The following SLC25A48 variants were observed in gnomAD, a reference collection of about 807,000 sequenced individuals.
The protein encoded by SLC25A48 is CTC-321K16.1.
SLC25A48 carries 29 observed loss-of-function variants against 32.2 expected under a neutral mutation model. The ratio of observed to expected loss-of-function variants is 0.90; its 90% confidence interval spans 0.67 to 1.23. The LOEUF (loss-of-function observed/expected upper bound fraction) is 1.23, where lower values mean the gene tolerates loss of function less well. Ranked by LOEUF, SLC25A48 falls within the 50% of genes most tolerant of loss-of-function variation. SLC25A48 has a pLI of 0.00. For missense variants in SLC25A48, 399 were observed against 422.7 expected (o/e 0.94, Z 0.49); for synonymous variants, 164 against 172.3 (o/e 0.95, Z 0.38).
intron 3 of SLC25A48, among the ~76,000 whole-genome samples, chr5:135,660,553 T>G (rs535964880): frequency 1.3e-5 from 2 of 152,318 alleles, no homozygotes; most frequent in East Asian, 3.9e-4. Flanking sequence ...AGAGGCAGTT[T>G]TTTTAGGTTT....
chr5:135,762,704 A>T (rs926577189), intron 3 of SLC25A48, among the ~76,000 whole-genome samples: 5 of 151,998 alleles, frequency 3.3e-5, no homozygotes, highest in African/African-American at 1.2e-4. Context: ...AGTGAGAATG[A>T]GTGTGTGCGT....
intron 3 of SLC25A48, chr5:135,648,502 T>G (rs1234750595): frequency 1.3e-5 from 2 of 152,266 alleles, no homozygotes; most frequent in African/African-American, 2.4e-5. Flanking sequence ...CTCTGATTTT[T>G]CTTTTCATGA....
At chr5:135,840,399 C>G (rs1334212009) in intron 1 of SLC25A48, among the ~76,000 whole-genome samples, 1 of 152,216 alleles carries the variant, frequency 6.6e-6, no homozygotes, top group South Asian at 2.1e-4. Flanking sequence ...TTTACACATA[C>G]CCTACCCCGC....
chr5:135,643,261 A>G (rs1752882841), intron 3 of SLC25A48, among the ~76,000 whole-genome samples: 1 of 152,198 alleles, frequency 6.6e-6, no homozygotes, highest in South Asian at 2.1e-4. Context: ...CTGCAGCCTC[A>G]GTGAGAATGA....
At chr5:135,650,274 C>T in intron 3 of SLC25A48, 1 of 384,722 alleles carries the variant, frequency 2.6e-6, no homozygotes, top group Non-Finnish European at 5.1e-6. Context: ...ACAATTGCTA[C>T]TCAAAGTTTG....
intron 3 of SLC25A48, among the ~76,000 whole-genome samples, chr5:135,679,335 G>A (rs1753840126): frequency 6.6e-6 from 1 of 152,196 alleles, no homozygotes. Context: ...TGGACAGCAT[G>A]TCTGGGCACT....
intron 1 of SLC25A48, 99 bp from the exon 2 acceptor site, chr5:135,842,317 A>T: frequency 7.9e-7 from 1 of 1,259,944 alleles, no homozygotes; most frequent in Non-Finnish European, 1.2e-6. Flanking sequence ...CCAGCAATTG[A>T]CCGTTGACTA....
At chr5:135,833,400 G>T (rs568293616), upstream of SLC25A48, among the ~76,000 whole-genome samples, 1 of 152,346 alleles carries the variant, frequency 6.6e-6, no homozygotes, top group South Asian at 2.1e-4. Context: ...TTTGAGAATT[G>T]TCAGGCTTTC....
intron 5 of SLC25A48, 69 bp from the exon 6 acceptor site, chr5:135,873,952 C>A: frequency 1.4e-6 from 2 of 1,432,206 alleles, no homozygotes; most frequent in Admixed American, 2.8e-5. Flanking sequence ...TGGTAGAAAT[C>A]TGCAAGGAAC....
At chr5:135,816,570 A>G (rs1204898193) in intron 4 of SLC25A48, among the ~76,000 whole-genome samples, 1 of 152,232 alleles carries the variant, frequency 6.6e-6, no homozygotes, top group Non-Finnish European at 1.5e-5. Flanking sequence ...AAGATTATTC[A>G]TAAGAAATAA....
rs369579654 is a variant in SLC25A48, at chr5:135,727,347, T to C, written c.-520-85176T>C. 8.8e-4 allele frequency among the ~76,000 whole-genome samples: 134 copies of C among 152,252 alleles called. 2 individuals carry two copies. The South Asian group carries it at 0.027, about 31-fold the overall frequency. On this transcript the variant is annotated intron_variant, in intron 3 of 10. Coordinates refer to the SLC25A48 transcript ENST00000646290. ...AGATATGTGGTTTGCAAATATTTTC[T>C]CCTGCTCTATAGCTTGCTTTTTAAT...
intron 3 of SLC25A48, among the ~76,000 whole-genome samples, chr5:135,744,700 C>T (rs770335609): frequency 7.9e-5 from 12 of 152,150 alleles, no homozygotes; most frequent in Non-Finnish European, 5.9e-5. Flanking sequence ...GATGGTCACA[C>T]CACATGGACC....
chr5:135,603,709 G>A (rs193084287), intron 1 of SLC25A48, among the ~76,000 whole-genome samples: 16 of 152,356 alleles, frequency 1.1e-4, no homozygotes, highest in Admixed American at 7.8e-4. Flanking sequence ...TTGGGGGAAG[G>A]ACACAGCTCC....
At chr5:135,641,573 T>G (rs1385713815) in intron 3 of SLC25A48, among the ~76,000 whole-genome samples, 1 of 152,184 alleles carries the variant, frequency 6.6e-6, no homozygotes, top group Non-Finnish European at 1.5e-5. Flanking sequence ...TAATACTAAC[T>G]GATGCTCTCC....
chr5:135,600,490 C>T (rs1392367498), intron 1 of SLC25A48, among the ~76,000 whole-genome samples: 1 of 152,132 alleles, frequency 6.6e-6, no homozygotes, highest in East Asian at 1.9e-4. Flanking sequence ...AGAATTGTGC[C>T]CATGCTGTCT....
At chr5:135,693,436 A>G (rs968467759) in intron 3 of SLC25A48, among the ~76,000 whole-genome samples, 3 of 152,162 alleles carry the variant, frequency 2.0e-5, no homozygotes, top group Admixed American at 1.3e-4. Flanking sequence ...CTGCCTAGTG[A>G]CTCAGTAGCC....
At chr5:135,626,994 C>T (rs560786444) in intron 1 of SLC25A48, among the ~76,000 whole-genome samples, 1 of 152,280 alleles carries the variant, frequency 6.6e-6, no homozygotes, top group African/African-American at 2.4e-5. Context: ...TATGGCCTGG[C>T]TTGGCACAGG....
intron 3 of SLC25A48, among the ~76,000 whole-genome samples, chr5:135,700,173 A>G (rs1363126848): frequency 6.6e-6 from 1 of 151,984 alleles, no homozygotes; most frequent in Non-Finnish European, 1.5e-5. Flanking sequence ...GGAGTTCGAG[A>G]TCAGCCTGGC....
At chr5:135,714,465 G>A (rs1044230871) in intron 3 of SLC25A48, among the ~76,000 whole-genome samples, 10 of 152,178 alleles carry the variant, frequency 6.6e-5, no homozygotes, top group African/African-American at 1.9e-4. Flanking sequence ...TGTGGCGCCC[G>A]CTGGAAGCTC....
Sources: allele counts gnomAD v4.1 joint callset (sites outside exome capture counted in the v4.1 genomes callset), GRCh38; gene constraint gnomAD v4.1.1; transcripts MANE v1.5; gene names NCBI Gene and HGNC (gene_info 2026-07-23, HGNC 2026-07-21).